B4GALT5: variants seen among roughly 807,000 people sequenced by gnomAD.
B4GALT5 encodes the protein beta-1,4-galactosyltransferase 5.
B4GALT5 carries 11 observed loss-of-function variants against 45.0 expected under a neutral mutation model. The observed-to-expected ratio is 0.24, with a 90% CI of 0.15 to 0.40. B4GALT5 has a LOEUF of 0.40. Ranked by LOEUF, B4GALT5 falls within the 10% of genes least tolerant of loss-of-function variation. The pLI is 1.00. For missense variants in B4GALT5, 337 were observed against 500.2 expected (o/e 0.67, Z 3.11); for synonymous variants, 185 against 182.9 (o/e 1.01, Z -0.09).
chr20:49,691,002 G>A (rs902723841), intron 1 of B4GALT5, among the ~76,000 whole-genome samples: 4 of 152,130 alleles, frequency 2.6e-5, no homozygotes, highest in African/African-American at 9.7e-5. Flanking sequence ...ATAATTTAAC[G>A]TAAATTAGCA....
chr20:49,679,918 C>T (rs1029234241), intron 1 of B4GALT5, among the ~76,000 whole-genome samples: 5 of 152,068 alleles, frequency 3.3e-5, no homozygotes, highest in African/African-American at 1.2e-4. Flanking sequence ...AGGACTTGGC[C>T]CCTAAGCTCA....
At chr20:49,713,503 G>C in intron 1 of B4GALT5, 73 bp downstream of exon 1, 3 of 1,462,852 alleles carry the variant, frequency 2.1e-6, no homozygotes, top group Non-Finnish European at 2.8e-6. Context: ...GGGCCCCTTA[G>C]GGAGGGGCGG....
Position 49,695,874 on chromosome 20 carries a change from C to A in B4GALT5, c.115+17702G>T, listed in dbSNP as rs76202490. On this transcript the variant is annotated intron_variant, in intron 1 of 8. Transcript: ENST00000371711. ...AGAAAACAACACATTGAGTTTCAAT[C>A]TAATCATTTCCAACAACTCAGAAGC... Among the ~76,000 whole-genome samples the A allele has an allele frequency of 8.9e-3, 1,350 of 152,334 alleles. 25 individuals carry two copies. The highest frequency in any genetic ancestry group is 0.031 in the African/African-American group (1,292 of 41,572).
chr20:49,707,815 T>A (rs2085890698), intron 1 of B4GALT5, among the ~76,000 whole-genome samples: 1 of 152,068 alleles, frequency 6.6e-6, no homozygotes, highest in Non-Finnish European at 1.5e-5. Flanking sequence ...GGTTTCACTA[T>A]GTTGCCCAGG....
intron 8 of B4GALT5, 42 bp from the exon 9 acceptor site, chr20:49,636,501 G>C (rs766600364): frequency 1.2e-6 from 2 of 1,605,006 alleles, no homozygotes; most frequent in Non-Finnish European, 1.7e-6. Flanking sequence ...TCTGAGTGAG[G>C]ATCCATGCCT....
rs776958396 is a variant in B4GALT5 at position 49,656,556 on chromosome 20, C to A, written c.250+12G>T. On this transcript the variant is annotated intron_variant, in intron 2 of 8. Coordinates refer to ENST00000371711, the MANE Select transcript of B4GALT5 (RefSeq NM_004776.4). ...ACATTCTAATCAGACCACCTCTTTA[C>A]TAAAAATATACCTGAGTCATTTACA... The A allele has an allele frequency of 3.7e-6, 6 of 1,613,862 alleles. No homozygotes were observed. The African/African-American group carries it at 4.0e-5, about 11-fold the overall frequency.
chr20:49,693,012 G>GTAT (rs1382998892), intron 1 of B4GALT5, among the ~76,000 whole-genome samples: 1 of 152,076 alleles, frequency 6.6e-6, no homozygotes, highest in Non-Finnish European at 1.5e-5. Flanking sequence ...CTTACCTACA[G>GTAT]TATTCAGTAC....
At chr20:49,656,034 A>G (rs1027084969) in intron 2 of B4GALT5, among the ~76,000 whole-genome samples, 4 of 152,100 alleles carry the variant, frequency 2.6e-5, no homozygotes, top group Non-Finnish European at 5.9e-5. Flanking sequence ...GTAATCCCCA[A>G]TGATGGAGGT....
chr20:49,664,791 C>T (rs775027297), intron 1 of B4GALT5, among the ~76,000 whole-genome samples: 2 of 152,138 alleles, frequency 1.3e-5, no homozygotes, highest in Non-Finnish European at 2.9e-5. Flanking sequence ...ATGTCTACAA[C>T]TTTACTTTCA....
intron 1 of B4GALT5, among the ~76,000 whole-genome samples, chr20:49,698,898 CACCA>C (rs768285513): frequency 5.3e-5 from 8 of 152,156 alleles, no homozygotes; most frequent in Non-Finnish European, 1.0e-4. Context: ...TTATTTTCCA[CACCA>C]ACCACACGGT....
chr20:49,643,298 T>C (rs1379955053), intron 4 of B4GALT5, among the ~76,000 whole-genome samples: 3 of 152,242 alleles, frequency 2.0e-5, no homozygotes, highest in Non-Finnish European at 4.4e-5. Context: ...TTAATATTCC[T>C]GGTGGGAAGA....
intron 1 of B4GALT5, among the ~76,000 whole-genome samples, chr20:49,712,923 G>A (rs1418692833): frequency 6.6e-6 from 1 of 151,704 alleles, no homozygotes; most frequent in Admixed American, 6.6e-5. Flanking sequence ...TAAGGGGAAG[G>A]GGGGTGCCAC....
At chr20:49,694,121 T>C (rs1283516898) in intron 1 of B4GALT5, among the ~76,000 whole-genome samples, 1 of 152,184 alleles carries the variant, frequency 6.6e-6, no homozygotes, top group East Asian at 1.9e-4. Flanking sequence ...AAACGTACTT[T>C]TTATTAACAC....
At chr20:49,707,254 A>C (rs1293514333) in intron 1 of B4GALT5, among the ~76,000 whole-genome samples, 2 of 152,166 alleles carry the variant, frequency 1.3e-5, no homozygotes, top group Non-Finnish European at 2.9e-5. Flanking sequence ...CCTGGTCAAA[A>C]GTGGTGCTGT....
chr20:49,639,836 T>G (rs2085568547), intron 6 of B4GALT5, 36 bp from the exon 7 acceptor site: 1 of 1,607,944 alleles, frequency 6.2e-7, no homozygotes, highest in East Asian at 2.2e-5. Context: ...CATCTGTGTG[T>G]TACAGGGTAA....
At chr20:49,671,239 T>G (rs763334048) in intron 1 of B4GALT5, among the ~76,000 whole-genome samples, 8 of 151,720 alleles carry the variant, frequency 5.3e-5, no homozygotes, top group Non-Finnish European at 1.0e-4. Context: ...ATTAACCGGG[T>G]GTGGTGGTGC....
chr20:49,635,932 T>C lies in B4GALT5; in HGVS notation c.*380A>G, dbSNP rs2085551313. The C allele has an allele frequency of 5.3e-6, 1 of 190,430 alleles. No homozygotes were observed. Among genetic ancestry groups the C allele is most frequent in the Non-Finnish European group, 1.1e-5 (1 of 91,020 alleles). 11.8% of individuals were successfully genotyped at this position (190,430 alleles called of 1,614,324 possible). A position where few individuals can be genotyped will look rare whatever the true frequency, so the allele number is the denominator to read the frequency against. ...TGAAGGCCAAGAGGCTCCAAGGTCA[T>C]GTGTAGGGACAGGCTCCACGGCAGG... On this transcript the variant is annotated 3_prime_UTR_variant, in exon 9 of 9. Coordinates refer to ENST00000371711, the MANE Select transcript of B4GALT5 (RefSeq NM_004776.4).
intron 1 of B4GALT5, among the ~76,000 whole-genome samples, chr20:49,707,192 G>A (rs1051918845): frequency 6.6e-6 from 1 of 152,098 alleles, no homozygotes; most frequent in Non-Finnish European, 1.5e-5. Context: ...CCAAGACCTG[G>A]CTTCCAATAT....
chr20:49,678,878 G>A (rs1234214689), intron 1 of B4GALT5, among the ~76,000 whole-genome samples: 2 of 152,162 alleles, frequency 1.3e-5, no homozygotes, highest in African/African-American at 4.8e-5. Flanking sequence ...CATTGTTAGT[G>A]CTGTTACTGG....
Sources: allele counts gnomAD v4.1 joint callset (sites outside exome capture counted in the v4.1 genomes callset), GRCh38; gene constraint gnomAD v4.1.1; transcripts MANE v1.5; gene names NCBI Gene and HGNC (gene_info 2026-07-23, HGNC 2026-07-21).